The following LRP1B variants were observed in gnomAD, a reference collection of about 807,000 sequenced individuals.
The protein encoded by LRP1B is low-density lipoprotein receptor-related protein 1B.
LRP1B carries 217 observed loss-of-function variants against 556.6 expected under a neutral mutation model. The ratio of observed to expected loss-of-function variants is 0.39; its 90% CI spans 0.35 to 0.44. The LOEUF (loss-of-function observed/expected upper bound fraction) is 0.44, where lower values mean the gene tolerates loss of function less well. Ranked by LOEUF, LRP1B falls within the 20% of genes least tolerant of loss-of-function variation. The pLI, the probability that LRP1B is intolerant of heterozygous loss-of-function variation, is 1.00. For synonymous variants in LRP1B, 2,047 were observed against 1,865.8 expected, an observed-to-expected ratio of 1.10 and a Z score of -2.50; for missense variants, 5,053 against 5,620.8, an observed-to-expected ratio of 0.90 and a Z score of 3.23.
intron 41 of LRP1B, among the ~76,000 whole-genome samples, chr2:140,673,739 G>T (rs1685568807): frequency 6.6e-6 from 1 of 151,974 alleles, no homozygotes; most frequent in Non-Finnish European, 1.5e-5. Flanking sequence ...AAAGAAACTT[G>T]AAAAACTAGT....
intron 1 of LRP1B, among the ~76,000 whole-genome samples, chr2:141,833,559 T>C (rs1326081825): frequency 6.6e-6 from 1 of 151,870 alleles, no homozygotes; most frequent in Non-Finnish European, 1.5e-5. Context: ...TTGTAGAGCT[T>C]CTTGAAGTCC....
chr2:140,572,166 C>T (rs759966581), intron 43 of LRP1B, among the ~76,000 whole-genome samples: 2 of 151,490 alleles, frequency 1.3e-5, no homozygotes, highest in African/African-American at 4.8e-5. Context: ...ATCTAAAAAG[C>T]TTCTGCACAG....
intron 7 of LRP1B, among the ~76,000 whole-genome samples, chr2:141,102,050 G>T (rs2104941154): frequency 6.6e-6 from 1 of 152,160 alleles, no homozygotes; most frequent in Non-Finnish European, 1.5e-5. Flanking sequence ...CAATTTATGG[G>T]GAAAGAATGT....
At chr2:141,752,506 C>T (rs1362275938) in intron 2 of LRP1B, among the ~76,000 whole-genome samples, 2 of 152,122 alleles carry the variant, frequency 1.3e-5, no homozygotes, top group African/African-American at 4.8e-5. Flanking sequence ...TTCTTCCTCA[C>T]TATCCACTAA....
rs1558801459 is a variant in LRP1B, at chr2:140,324,080, A to G, written c.12341-14T>C. 1.9e-6 allele frequency: 3 copies of G among 1,576,608 alleles called. No individual in the cohort carries two copies. The highest frequency in any genetic ancestry group is 2.3e-5 in the East Asian group (1 of 44,406). On this transcript the variant is annotated splice_polypyrimidine_tract_variant and intron_variant, in intron 80 of 90. Transcript: ENST00000389484. ...GATGTAATAAACCTGGAATTTTAAA[A>G]AGGCAGTTATGAAAGTTTTAATGTA...
intron 25 of LRP1B, among the ~76,000 whole-genome samples, chr2:140,874,655 G>A (rs114270475): frequency 1.8e-4 from 28 of 151,640 alleles, no homozygotes; most frequent in African/African-American, 5.8e-4. Context: ...TACTACATCC[G>A]TTTATCTTTC....
chr2:140,885,211 A>C (rs771215556), intron 24 of LRP1B, among the ~76,000 whole-genome samples: 1 of 152,134 alleles, frequency 6.6e-6, no homozygotes, highest in Non-Finnish European at 1.5e-5. Context: ...TATCATAATT[A>C]TATTATGTGC....
intron 89 of LRP1B, among the ~76,000 whole-genome samples, chr2:140,235,638 G>T (rs1435040327): frequency 6.6e-6 from 1 of 150,992 alleles, no homozygotes; most frequent in Non-Finnish European, 1.5e-5. Flanking sequence ...CATCCAATTG[G>T]TAAATATTTG....
At chr2:141,546,832 A>T (rs1685572445) in intron 2 of LRP1B, among the ~76,000 whole-genome samples, 1 of 151,938 alleles carries the variant, frequency 6.6e-6, no homozygotes, top group Non-Finnish European at 1.5e-5. Context: ...CATATCCAAC[A>T]CTGTTCTCTT....
intron 1 of LRP1B, among the ~76,000 whole-genome samples, chr2:141,946,211 C>T (rs552519874): frequency 3.3e-5 from 5 of 152,132 alleles, no homozygotes; most frequent in Admixed American, 2.6e-4. Context: ...CTGCCTGCTC[C>T]TGCTCCATTC....
intron 7 of LRP1B, among the ~76,000 whole-genome samples, chr2:141,182,170 G>T (rs1196644247): frequency 6.6e-6 from 1 of 151,952 alleles, no homozygotes; most frequent in Admixed American, 6.6e-5. Context: ...TCCAAAAAAA[G>T]ATAGTAGGAG....
chr2:141,118,986 A>G (rs1700975583), intron 7 of LRP1B, among the ~76,000 whole-genome samples: 2 of 151,936 alleles, frequency 1.3e-5, no homozygotes, highest in South Asian at 2.1e-4. Context: ...TTCTCAGCAG[A>G]TAGCTAAGAT....
chr2:140,364,807 CAA>C lies in LRP1B; in HGVS notation c.11009-26_11009-25del, dbSNP rs146644505. On this transcript the variant is annotated intron_variant, in intron 71 of 90. Coordinates refer to ENST00000389484, the MANE Select transcript of LRP1B (RefSeq NM_018557.3). ...TCCTTTATTTTAAAACAAAAAGAAA[CAA>C]AGAGATTCAGAGTAATCAGTGCCAG... 5,318 of 1,604,296 alleles carry C rather than the reference CAA, an allele frequency of 3.3e-3. 157 individuals carry two copies. In the African/African-American group the frequency reaches 0.062, roughly 19 times the overall value.
At chr2:140,595,674 T>G (rs974953133) in intron 43 of LRP1B, among the ~76,000 whole-genome samples, 1 of 152,112 alleles carries the variant, frequency 6.6e-6, no homozygotes, top group Admixed American at 6.6e-5. Flanking sequence ...CTAAATTAAT[T>G]ATAAAGTATA....
chr2:141,751,974 A>C (rs771190419), intron 2 of LRP1B, among the ~76,000 whole-genome samples: 3 of 151,696 alleles, frequency 2.0e-5, no homozygotes, highest in Non-Finnish European at 2.9e-5. Context: ...CACCACAATA[A>C]ACAGCAATCT....
intron 3 of LRP1B, among the ~76,000 whole-genome samples, chr2:141,467,824 TG>T (rs1682292962): frequency 4.5e-5 from 1 of 22,256 alleles, no homozygotes; most frequent in Non-Finnish European, 1.4e-4. Context: ...TTTGTTTGTT[TG>T]TTTGTTTGCG....
intron 41 of LRP1B, among the ~76,000 whole-genome samples, chr2:140,666,611 T>G (rs1251532842): frequency 1.3e-5 from 2 of 152,144 alleles, no homozygotes; most frequent in Admixed American, 6.6e-5. Context: ...AATTGTAAAA[T>G]TCAGTTAAGC....
chr2:140,772,396 G>C (rs772033704), intron 33 of LRP1B, among the ~76,000 whole-genome samples: 13 of 152,036 alleles, frequency 8.6e-5, no homozygotes, highest in African/African-American at 3.1e-4. Context: ...CGCAACCTCC[G>C]CTTCCCAGGT....
At chr2:140,397,528 C>T (rs1684306014) in intron 66 of LRP1B, among the ~76,000 whole-genome samples, 1 of 152,132 alleles carries the variant, frequency 6.6e-6, no homozygotes, top group African/African-American at 2.4e-5. Flanking sequence ...AAACAAATTG[C>T]CCATAGTCAT....
Sources: gnomAD v4.1 joint callset for allele counts (sites outside exome capture counted in the v4.1 genomes callset) on GRCh38, gnomAD v4.1.1 for gene constraint, MANE v1.5 for transcripts, NCBI Gene and HGNC (gene_info 2026-07-23, HGNC 2026-07-21) for gene names.